Variants in KDM5C observed in about 807,000 individuals in gnomAD.
KDM5C encodes lysine demethylase 5C.
Under a neutral mutation model 110.6 loss-of-function variants are expected in KDM5C, and 16 were observed. The observed-to-expected ratio is 0.14, with a 90% CI of 0.10 to 0.22. The LOEUF (loss-of-function observed/expected upper bound fraction) is 0.22, where lower values mean the gene tolerates loss of function less well. Among genes scored for constraint, KDM5C ranks in the 10% least tolerant of loss-of-function variants. KDM5C has a pLI of 1.00. For missense variants in KDM5C, 681 were observed against 1,300.9 expected (o/e 0.52, Z 7.33); for synonymous variants, 511 against 520.4 (o/e 0.98, Z 0.24).
At chrX:53,190,399 G>C (rs1401450076), downstream of KDM5C, among the ~76,000 whole-genome samples, 1 of 112,444 alleles carries the variant, frequency 8.9e-6, no homozygotes, top group Non-Finnish European at 1.9e-5. Context: ...TCCGTCCTGG[G>C]CCAAGCAGTT....
chrX:53,185,215 T>G (rs1159679884), intron 25 of KDM5C, among the ~76,000 whole-genome samples: 2 of 112,136 alleles, frequency 1.8e-5, no homozygotes, highest in Non-Finnish European at 3.8e-5. Flanking sequence ...ATGCCCATTG[T>G]CTGAGTTCTG....
chrX:53,192,754 G>T lies in KDM5C; in HGVS notation c.*213C>A, dbSNP rs1291607611. 1.7e-6 allele frequency: 2 copies of T among 1,163,227 alleles called. No individual in the cohort carries two copies. Among genetic ancestry groups the T allele is most frequent in the East Asian group, 6.5e-5 (2 of 30,624 alleles). On this transcript the variant is annotated 3_prime_UTR_variant, in exon 26 of 26. Transcript: ENST00000375401. ...AATGCTGGTTAGAGGCTACCAGGGA[G>T]GGAAGACTCCAGGGGCCGGCCCCCA...
In KDM5C at chrX:53,194,180, A is replaced by C. The variant is rs146572363; in HGVS notation, c.3997T>G (p.Ser1333Ala). 48 of 1,207,879 alleles carry C rather than the reference A, an allele frequency of 4.0e-5. No homozygotes were observed. In the African/African-American group the frequency reaches 7.5e-4, roughly 19 times the overall value. ...CCACTGCCCTCTCTGAGGGGGTCAGAAGCAGGGGCTGCAGGGTAGTTAGGA... is the reference window on the plus strand; with the variant it reads ...CCACTGCCCTCTCTGAGGGGGTCAGCAGCAGGGGCTGCAGGGTAGTTAGGA... ...EPPNYPAAPA[S>A]DPLREGSGKD... The change falls in exon 23 of 26, where the codon TCT becomes GCT. Residue 1333 changes from serine (S) to alanine (A), a missense_variant. This residue lies in a region of KDM5C where 88 missense variants were observed against 85.6 expected (regional missense o/e 1.03). Transcript: ENST00000375401.
At chrX:53,187,729 C>T (rs782212790), downstream of KDM5C, among the ~76,000 whole-genome samples, 5 of 107,380 alleles carry the variant, frequency 4.7e-5, no homozygotes, top group South Asian at 4.3e-4. Context: ...AGTAAGATCT[C>T]GTCTCTATAA....
At position 53,224,986 on chromosome X, in the gene KDM5C, G is replaced by A. The variant is rs2074000579; in HGVS notation, c.-97C>T. 9 of 1,035,928 alleles carry A rather than the reference G, an allele frequency of 8.7e-6. No homozygotes were observed. Among genetic ancestry groups the A allele is most frequent in the Non-Finnish European group, 1.1e-5 (9 of 786,637 alleles). The allele number at this position is 1,035,928 out of a possible 1,213,427, so 85.4% of individuals were successfully genotyped here. A position where few individuals can be genotyped will look rare whatever the true frequency, so the allele number is the denominator to read the frequency against. The stretch of plus-strand genomic sequence containing the variant: ...TTTGAAGCCGAGGCAATGCTCGGAG[G>A]CTAGGCCCTAAGCGGGGCAGCCGCC... On this transcript the variant is annotated 5_prime_UTR_variant, in exon 1 of 26. Transcript: ENST00000375401.
Position 53,192,839 on chromosome X carries a change from T to TGGGGGGGGGGGGGG in KDM5C, c.*127_*128insCCCCCCCCCCCCCC. On this transcript the variant is annotated 3_prime_UTR_variant, in exon 26 of 26. Transcript: ENST00000375401. ...ATACAAAAGTCAAGGGACTCAGGGGTGGGCGGGTAGCAGGGATGGCCACCC... is the reference window on the plus strand; with the variant it reads ...ATACAAAAGTCAAGGGACTCAGGGGTGGGGGGGGGGGGGGGGGCGGGTAGCAGGGATGGCCACCC... The TGGGGGGGGGGGGGG allele has an allele frequency of 1.1e-6, 1 of 879,060 alleles. No individual in the cohort carries two copies. Among genetic ancestry groups the TGGGGGGGGGGGGGG allele is most frequent in the Non-Finnish European group, 1.5e-6 (1 of 646,898 alleles). The allele number at this position is 879,060 out of a possible 1,213,427, so 72.4% of individuals were successfully genotyped here. A position where few individuals can be genotyped will look rare whatever the true frequency, so the allele number is the denominator to read the frequency against.
chrX:53,221,998 T>G (rs1354187126), intron 1 of KDM5C, among the ~76,000 whole-genome samples: 3 of 111,293 alleles, frequency 2.7e-5, no homozygotes, highest in Non-Finnish European at 5.7e-5. Flanking sequence ...GGTGGTGAAA[T>G]CAACCTAAAG....
At chrX:53,215,473 T>C (rs945263578) in intron 7 of KDM5C, among the ~76,000 whole-genome samples, 1 of 111,957 alleles carries the variant, frequency 8.9e-6, no homozygotes, top group African/African-American at 3.3e-5. Flanking sequence ...AGGTGGGCAG[T>C]GCTGGGGGAT....
intron 12 of KDM5C, among the ~76,000 whole-genome samples, chrX:53,205,526 C>T (rs1401271274): frequency 8.9e-6 from 1 of 112,207 alleles, no homozygotes; most frequent in African/African-American, 3.2e-5. Flanking sequence ...CCATGTAATG[C>T]CTCAGCTGAG....
At chrX:53,204,074 CTTATAT>C (rs1431701447) in intron 12 of KDM5C, among the ~76,000 whole-genome samples, 6 of 110,945 alleles carry the variant, frequency 5.4e-5, no homozygotes, top group African/African-American at 2.0e-4. Flanking sequence ...TGGCTGCCTG[CTTATAT>C]TTAAGAGGAA....
rs1556833958 is a variant in KDM5C, at chrX:53,194,255, G to A, written c.3922C>T (p.Leu1308=). ...TGTAGCCGTTGGCGGAGCTCAGCCA[G>A]CCGTCCCAAAAGAGCAGTCACATCT... ...SEDVTALLGR[L]AELRQRLQAE... Residue 1308 remains leucine, a synonymous_variant, in exon 23 of 26, where the codon CTG becomes TTG. Coordinates refer to ENST00000375401, the MANE Select transcript of KDM5C (RefSeq NM_004187.5). The A allele has an allele frequency of 8.2e-7, 1 of 1,212,242 alleles. No homozygotes were observed. The highest frequency in any genetic ancestry group is 1.1e-6 in the Non-Finnish European group (1 of 895,562).
At chrX:53,202,440 A>G (rs1237666446) in intron 12 of KDM5C, 8 of 143,800 alleles carry the variant, frequency 5.6e-5, no homozygotes, top group Non-Finnish European at 1.1e-4. Flanking sequence ...CTTAAATAAC[A>G]TGCTTCTAGA....
At chrX:53,196,552 C>CA in intron 19 of KDM5C, 134 bp downstream of exon 19, 2 of 552,215 alleles carry the variant, frequency 3.6e-6, no homozygotes, top group Non-Finnish European at 6.1e-6. Context: ...AGATAGACAA[C>CA]AAAAGAGGGG....
intron 25 of KDM5C, among the ~76,000 whole-genome samples, chrX:53,181,675 CAAAAAAAAAAAAA>C (rs60649092): frequency 3.8e-5 from 2 of 52,641 alleles, no homozygotes; most frequent in Admixed American, 2.8e-4. Flanking sequence ...GACCATGTCT[CAAAAAAAAAAAAA>C]AAAAAAAAAA....
At chrX:53,208,467 G>T in intron 12 of KDM5C, among the ~76,000 whole-genome samples, 1 of 89,069 alleles carries the variant, frequency 1.1e-5, no homozygotes, top group Non-Finnish European at 2.2e-5. Flanking sequence ...ATATATATAT[G>T]CCTCTTAGCT....
chrX:53,215,760 A>AGCAGAGCATTAAGAAGTCAGGGCTGGGT, intron 7 of KDM5C, 35 bp downstream of exon 7: 1 of 1,185,910 alleles, frequency 8.4e-7, no homozygotes, highest in Non-Finnish European at 1.1e-6. Context: ...AGGGACAAGA[A>AGCAGAGCATTAAGAAGTCAGGGCTGGGT]GCAGAGCATT....
chrX:53,200,819 C>T (rs2073117224), intron 14 of KDM5C, among the ~76,000 whole-genome samples: 1 of 112,199 alleles, frequency 8.9e-6, no homozygotes, highest in Admixed American at 9.5e-5. Context: ...CACGAGTGGA[C>T]TTTAGAGCTC....
chrX:53,198,750 C>T lies in KDM5C; in HGVS notation c.2368+14G>A, dbSNP rs782529568. 1.7e-6 allele frequency: 2 copies of T among 1,210,562 alleles called. No individual in the cohort carries two copies. The highest frequency in any genetic ancestry group is 2.2e-6 in the Non-Finnish European group (2 of 895,295). On this transcript the variant is annotated intron_variant, in intron 16 of 25. Coordinates refer to ENST00000375401, the MANE Select transcript of KDM5C (RefSeq NM_004187.5). ...ACTTGCCTGTGGAGTCCCTCCATCCCCCCCATCACTCACTGCGCTTCCGCC... is the reference window on the plus strand; with the variant it reads ...ACTTGCCTGTGGAGTCCCTCCATCCTCCCCATCACTCACTGCGCTTCCGCC...
chrX:53,185,769 T>TAG (rs1556827959), intron 25 of KDM5C, among the ~76,000 whole-genome samples: 1 of 111,882 alleles, frequency 8.9e-6, no homozygotes, highest in South Asian at 3.8e-4. Context: ...GGTAGCCTGA[T>TAG]AAAGTCCTAG....
Sources: gnomAD v4.1 joint callset for allele counts (sites outside exome capture counted in the v4.1 genomes callset) on GRCh38, gnomAD v4.1.1 for gene constraint, gnomAD v4.1.1 regional missense constraint, MANE v1.5 for transcripts, NCBI Gene and HGNC (gene_info 2026-07-23, HGNC 2026-07-21) for gene names.